Variants in ERC2 observed in about 807,000 individuals in gnomAD.
The protein encoded by ERC2 is ERC protein 2.
In ERC2, 42 loss-of-function variants were observed where a neutral mutation model predicts 114.8. The observed-to-expected ratio is 0.37, with a 90% CI of 0.29 to 0.47. The LOEUF (loss-of-function observed/expected upper bound fraction) is 0.47, where lower values mean the gene tolerates loss of function less well. Among genes scored for constraint, ERC2 ranks in the 20% least tolerant of loss-of-function variants. The pLI is 0.99. For synonymous variants in ERC2, 454 were observed against 425.5 expected (o/e 1.07, Z -0.82); for missense variants, 939 against 1,150.7 (o/e 0.82, Z 2.66).
chr3:55,675,903 C>CTTTT lies in ERC2; in HGVS notation c.*39+7887_*39+7890dup, dbSNP rs869296098. Among the ~76,000 whole-genome samples, 354 of 47,824 alleles carry CTTTT rather than the reference C, an allele frequency of 7.4e-3. 2 individuals carry two copies. Among genetic ancestry groups the CTTTT allele is most frequent in the Non-Finnish European group, 9.6e-3 (272 of 28,238 alleles). The allele number at this position is 47,824 out of a possible 152,430, so 31.4% of individuals were successfully genotyped here. A position where few individuals can be genotyped will look rare whatever the true frequency, so the allele number is the denominator to read the frequency against. On this transcript the variant is annotated intron_variant, in intron 17 of 17. Coordinates refer to ENST00000288221, the MANE Select transcript of ERC2 (RefSeq NM_015576.3). ...TTCCATCTTTCTTTCTCTTTTCTTT[C>CTTTT]TTTTTTTTTTTTTTTTTTTTTTTTT...
chr3:56,077,654 A>C (rs2077036481), intron 7 of ERC2, among the ~76,000 whole-genome samples: 1 of 152,248 alleles, frequency 6.6e-6, no homozygotes, highest in Admixed American at 6.5e-5. Context: ...AACTTCTGAC[A>C]AAATGAACAA....
intron 4 of ERC2, among the ~76,000 whole-genome samples, chr3:56,172,303 C>T (rs2082720520): frequency 6.6e-6 from 1 of 152,152 alleles, no homozygotes; most frequent in African/African-American, 2.4e-5. Flanking sequence ...CATGTAACCT[C>T]ATTTGGGGGA....
chr3:55,684,258 C>T lies in ERC2; in HGVS notation c.2848-399G>A, dbSNP rs192220733. On this transcript the variant is annotated intron_variant, in intron 16 of 17. Transcript: ENST00000288221. ...AGAAGTAATTATAGTAATCAAATAC[C>T]CTTAATTTCTCTTAAGCTTAAAGTA... 5.1e-4 allele frequency among the ~76,000 whole-genome samples: 77 copies of T among 151,964 alleles called. 1 individual carries two copies. The highest frequency in any genetic ancestry group is 2.8e-3 in the Admixed American group (42 of 15,260).
chr3:55,634,887 A>G (rs1006327705), intron 17 of ERC2, among the ~76,000 whole-genome samples: 1 of 95,320 alleles, frequency 1.0e-5, no homozygotes, highest in African/African-American at 3.1e-5. Flanking sequence ...TCACTTTATT[A>G]TTTCTTTTTT....
At chr3:55,670,368 G>A (rs1282419500) in intron 17 of ERC2, among the ~76,000 whole-genome samples, 2 of 152,230 alleles carry the variant, frequency 1.3e-5, no homozygotes, top group Admixed American at 1.3e-4. Context: ...CTAAGGTGGA[G>A]AGGATGAAAA....
intron 2 of ERC2, among the ~76,000 whole-genome samples, chr3:56,388,679 C>T (rs908506677): frequency 3.9e-5 from 6 of 152,132 alleles, no homozygotes; most frequent in African/African-American, 1.2e-4. Flanking sequence ...CCTTTCCTTA[C>T]TCTACGTTGT....
At chr3:56,297,338 G>A (rs2055514742) in intron 2 of ERC2, among the ~76,000 whole-genome samples, 1 of 152,116 alleles carries the variant, frequency 6.6e-6, no homozygotes, top group African/African-American at 2.4e-5. Context: ...CAAACCTGAG[G>A]TTTATCCCAC....
intron 3 of ERC2, among the ~76,000 whole-genome samples, chr3:56,206,491 T>C (rs1369368796): frequency 2.0e-5 from 3 of 152,196 alleles, no homozygotes; most frequent in Admixed American, 1.3e-4. Context: ...GACCCCAGGA[T>C]AGCAATTGTA....
chr3:56,210,495 T>C (rs1205819872), intron 3 of ERC2, among the ~76,000 whole-genome samples: 1 of 152,226 alleles, frequency 6.6e-6, no homozygotes, highest in Non-Finnish European at 1.5e-5. Context: ...GAATAATGCA[T>C]CCACACTGTA....
At chr3:55,520,055 C>CAAA (rs10626284) in intron 17 of ERC2, among the ~76,000 whole-genome samples, 32 of 146,366 alleles carry the variant, frequency 2.2e-4, no homozygotes, top group East Asian at 4.1e-4. Flanking sequence ...ACCCAGTCTC[C>CAAA]AAAAAAAAAG....
At chr3:56,097,168 G>C (rs2078107426) in intron 6 of ERC2, among the ~76,000 whole-genome samples, 1 of 152,190 alleles carries the variant, frequency 6.6e-6, no homozygotes, top group Non-Finnish European at 1.5e-5. Context: ...TTGTTTCTCT[G>C]TTGGGACTTG....
At chr3:56,228,068 A>G (rs1406086343) in intron 3 of ERC2, among the ~76,000 whole-genome samples, 1 of 152,238 alleles carries the variant, frequency 6.6e-6, no homozygotes, top group Non-Finnish European at 1.5e-5. Context: ...GGCTGGCAGA[A>G]GAGTGATTAC....
chr3:55,651,200 G>A (rs1559801174), intron 17 of ERC2, among the ~76,000 whole-genome samples: 1 of 151,832 alleles, frequency 6.6e-6, no homozygotes, highest in South Asian at 2.1e-4. Context: ...TGCCCTCACT[G>A]CTGTGAGGGC....
intron 2 of ERC2, among the ~76,000 whole-genome samples, chr3:56,372,154 T>C (rs1221582521): frequency 6.6e-6 from 1 of 152,246 alleles, no homozygotes; most frequent in Non-Finnish European, 1.5e-5. Flanking sequence ...CTGAGAACTG[T>C]ACAAGCTGCA....
intron 14 of ERC2, among the ~76,000 whole-genome samples, chr3:55,793,657 C>A (rs1232712932): frequency 1.3e-5 from 2 of 151,952 alleles, no homozygotes; most frequent in Non-Finnish European, 2.9e-5. Context: ...AACAAAAGAG[C>A]CTAGATAAAG....
chr3:55,982,650 G>A lies in ERC2; in HGVS notation c.2267+3327C>T, dbSNP rs78026891. Among the ~76,000 whole-genome samples, 2,206 of 152,150 alleles carry A rather than the reference G, an allele frequency of 0.014. 91 individuals are homozygous for A. In the East Asian group the frequency reaches 0.17, roughly 12 times the overall value. ...AATGGTTTGGTCAGTTTTTCGTCAG[G>A]TATTTTTTGGAAATGCTGGGCCAGC... On this transcript the variant is annotated intron_variant, in intron 12 of 17. Transcript: ENST00000288221.
intron 17 of ERC2, among the ~76,000 whole-genome samples, chr3:55,644,411 A>G (rs1046649483): frequency 1.3e-5 from 2 of 152,216 alleles, no homozygotes; most frequent in African/African-American, 4.8e-5. Flanking sequence ...ACCTGATGTC[A>G]TAGAAAAAGT....
chr3:56,218,154 T>C (rs1008729998), intron 3 of ERC2, among the ~76,000 whole-genome samples: 4 of 152,088 alleles, frequency 2.6e-5, no homozygotes, highest in Non-Finnish European at 5.9e-5. Context: ...CTAATTAAAC[T>C]AAAGAGCTTC....
chr3:55,807,177 A>G (rs1287668299), intron 14 of ERC2, among the ~76,000 whole-genome samples: 1 of 152,230 alleles, frequency 6.6e-6, no homozygotes, highest in Non-Finnish European at 1.5e-5. Context: ...AACGATACTC[A>G]TCATGAGATG....
Sources: allele counts gnomAD v4.1 joint callset (sites outside exome capture counted in the v4.1 genomes callset), GRCh38; gene constraint gnomAD v4.1.1; transcripts MANE v1.5; gene names NCBI Gene and HGNC (gene_info 2026-07-23, HGNC 2026-07-21).